Variants in NSD3 observed in about 807,000 individuals in gnomAD.
The protein encoded by NSD3 is histone-lysine N-methyltransferase NSD3.
Under a neutral mutation model 160.8 loss-of-function variants are expected in NSD3, and 24 were observed. The ratio of observed to expected loss-of-function variants is 0.15; its 90% CI spans 0.11 to 0.21. NSD3 has a LOEUF of 0.21. Ranked by LOEUF, NSD3 falls within the 10% of genes least tolerant of loss-of-function variation. The pLI, the probability that NSD3 is intolerant of heterozygous loss-of-function variation, is 1.00. For missense variants in NSD3, 1,157 were observed against 1,735.9 expected (o/e 0.67, Z 5.93); for synonymous variants, 520 against 600.0 (o/e 0.87, Z 1.95).
At chr8:38,305,514 A>G (rs1809373831) in intron 12 of NSD3, 69 bp from the exon 13 acceptor site, 2 of 1,512,850 alleles carry the variant, frequency 1.3e-6, no homozygotes, top group Admixed American at 1.8e-5. Context: ...AAGCAGCTAC[A>G]GACATCAAAC....
In NSD3 at chr8:38,288,610, C is replaced by T; in HGVS notation, c.3378G>A (p.Gln1126=). The change falls in exon 19 of 24, where the codon CAG becomes CAA. Residue 1126 remains glutamine, a synonymous_variant. Coordinates refer to ENST00000317025, the MANE Select transcript of NSD3 (RefSeq NM_023034.2). This position sits in a 1 kb window ranked among gnomAD's most constrained non-coding sequence, Gnocchi z 4.5. ...GACAACGATCTCCAGCTGGGCACAC[C>T]TGCGGGTGGCATTCATACTGCAACA... ...NRMLQYECHP[Q]VCPAGDRCQN... 6.2e-7 allele frequency: 1 copy of T among 1,614,178 alleles called. No individual in the cohort carries two copies. The highest frequency in any genetic ancestry group is 8.5e-7 in the Non-Finnish European group (1 of 1,180,030).
Position 38,329,142 on chromosome 8 carries a change from C to T in NSD3, c.1581+236G>A, listed in dbSNP as rs995309742. Among the ~76,000 whole-genome samples the T allele has an allele frequency of 2.6e-5, 4 of 152,110 alleles. No homozygotes were observed. The highest frequency in any genetic ancestry group is 4.4e-5 in the Non-Finnish European group (3 of 68,028). On this transcript the variant is annotated intron_variant, in intron 6 of 23. Coordinates refer to ENST00000317025, the MANE Select transcript of NSD3 (RefSeq NM_023034.2). The surrounding 1 kb of genome is among the most constrained non-coding windows in gnomAD (Gnocchi z 4.8). ...AGGGAGCTAAGCTCAATTTTGGCTG[C>T]ACAGCTCAAGACTAATCTACTACAG...
chr8:38,278,040 G>A (rs543924932), intron 22 of NSD3, among the ~76,000 whole-genome samples: 17 of 151,558 alleles, frequency 1.1e-4, no homozygotes, highest in African/African-American at 3.9e-4. Context: ...CCGGGTTCAC[G>A]CCATTCTCCT....
chr8:38,330,452 A>G lies in NSD3; in HGVS notation c.1066-559T>C, dbSNP rs538104179. Reference sequence around the variant, plus strand: ...AACAGGCATGGATGAGAAAAAAGGTAGACCTGAATTATAGTTTCCATAGGT... The same window carrying G: ...AACAGGCATGGATGAGAAAAAAGGTGGACCTGAATTATAGTTTCCATAGGT... On this transcript the variant is annotated intron_variant, in intron 5 of 23. Transcript: ENST00000317025. Among the ~76,000 whole-genome samples, 8 of 152,342 alleles carry G rather than the reference A, an allele frequency of 5.3e-5. No individual in the cohort carries two copies. The South Asian group carries it at 1.7e-3, about 32-fold the overall frequency.
chr8:38,361,527 G>A (rs1176760755), intron 1 of NSD3, among the ~76,000 whole-genome samples: 2 of 150,848 alleles, frequency 1.3e-5, no homozygotes, highest in East Asian at 2.0e-4. Context: ...AGGCCGAGGC[G>A]GGCGGATCAC....
At chr8:38,275,978 G>A (rs1170123835) in intron 23 of NSD3, 96 bp from the exon 24 acceptor site, 3 of 1,087,060 alleles carry the variant, frequency 2.8e-6, no homozygotes, top group African/African-American at 1.6e-5. Flanking sequence ...TTCTCTCATT[G>A]GAGATGGAAT....
Position 38,316,811 on chromosome 8 carries a change from T to G in NSD3, c.1856-769A>C, listed in dbSNP as rs1221164350. 9.4e-7 allele frequency: 1 copy of G among 1,059,638 alleles called. No homozygotes were observed. Among genetic ancestry groups the G allele is most frequent in the Non-Finnish European group, 1.1e-6 (1 of 875,636 alleles). 65.6% of individuals were successfully genotyped at this position (1,059,638 alleles called of 1,614,324 possible). ...AAAGGCAGAGAATAGTGTGGAATTG[T>G]TTTTTTTAAAACTGTGTGTAATACA... On this transcript the variant is annotated intron_variant, in intron 9 of 23. Coordinates refer to ENST00000317025, the MANE Select transcript of NSD3 (RefSeq NM_023034.2). This position sits in a 1 kb window ranked among gnomAD's most constrained non-coding sequence, Gnocchi z 4.5.
intron 1 of NSD3, among the ~76,000 whole-genome samples, chr8:38,365,145 C>A (rs1032589400): frequency 6.6e-6 from 1 of 152,110 alleles, no homozygotes; most frequent in Non-Finnish European, 1.5e-5. Context: ...TAATTGAGTT[C>A]GCAGAGAAAC....
At chr8:38,377,385 G>C (rs1318849881) in intron 1 of NSD3, among the ~76,000 whole-genome samples, 1 of 152,156 alleles carries the variant, frequency 6.6e-6, no homozygotes, top group East Asian at 1.9e-4. Flanking sequence ...ATCTCGCTCT[G>C]TCATTCAGGC....
rs1809631665 is a variant in NSD3, at chr8:38,315,327, CATATT to C, written c.2115+84_2115+88del. 3.7e-6 allele frequency: 5 copies of C among 1,362,078 alleles called. No homozygotes were observed. In the East Asian group the frequency reaches 1.0e-4, roughly 28 times the overall value. 84.4% of individuals were successfully genotyped at this position (1,362,078 alleles called of 1,614,324 possible). A position where few individuals can be genotyped will look rare whatever the true frequency, so the allele number is the denominator to read the frequency against. ...AAGTAATATCATAATAATTTGGAAA[CATATT>C]ATCCTCTTCAACAGGAGTTAAGTCT... On this transcript the variant is annotated intron_variant, in intron 11 of 23. Coordinates refer to ENST00000317025, the MANE Select transcript of NSD3 (RefSeq NM_023034.2).
intron 1 of NSD3, among the ~76,000 whole-genome samples, chr8:38,377,301 G>A (rs1811417928): frequency 6.6e-6 from 1 of 152,068 alleles, no homozygotes; most frequent in Admixed American, 6.6e-5. Flanking sequence ...TGATCCTCCT[G>A]CCTCAGCCTC....
Position 38,305,187 on chromosome 8 carries a change from T to A in NSD3, c.2440+61A>T. The A allele has an allele frequency of 2.6e-6, 4 of 1,535,754 alleles. No homozygotes were observed. The South Asian group carries it at 4.6e-5, about 18-fold the overall frequency. On this transcript the variant is annotated intron_variant, in intron 13 of 23. Transcript: ENST00000317025. ...TATGTTGTTTGTAATATATGCTTGA[T>A]AATGTTATTTGCCACTGCCCTTAAA...
intron 12 of NSD3, among the ~76,000 whole-genome samples, chr8:38,306,905 G>A (rs535294779): frequency 9.1e-4 from 139 of 152,096 alleles, no homozygotes; most frequent in Non-Finnish European, 1.7e-3. Flanking sequence ...ACAAGGTCAG[G>A]AGATCAAGAC....
rs1809668032 is a variant in NSD3, at chr8:38,316,519, C to T, written c.1856-477G>A. On this transcript the variant is annotated intron_variant, in intron 9 of 23. Transcript: ENST00000317025. This position sits in a 1 kb window ranked among gnomAD's most constrained non-coding sequence, Gnocchi z 4.5. ...ATTCGTACACGGATAGTGCCATTTT[C>T]CCCCAAATTTTGCAATTCAGTTGAT... 9.5e-7 allele frequency: 1 copy of T among 1,047,292 alleles called. No individual in the cohort carries two copies. Among genetic ancestry groups the T allele is most frequent in the African/African-American group, 1.7e-5 (1 of 60,038 alleles). The allele number at this position is 1,047,292 out of a possible 1,614,324, so 64.9% of individuals were successfully genotyped here.
chr8:38,279,802 A>G (rs1783121628), intron 20 of NSD3, 121 bp from the exon 21 acceptor site: 1 of 1,110,574 alleles, frequency 9.0e-7, no homozygotes, highest in African/African-American at 1.6e-5. Flanking sequence ...CAACTGACAG[A>G]TCAGGAAATG....
intron 12 of NSD3, among the ~76,000 whole-genome samples, chr8:38,307,240 A>G (rs1487078117): frequency 1.3e-5 from 2 of 152,152 alleles, no homozygotes; most frequent in Admixed American, 1.3e-4. Flanking sequence ...ACTGGAGTAC[A>G]GTTGTGTGAT....
chr8:38,316,362 A>G lies in NSD3; in HGVS notation c.1856-320T>C. 1 of 1,097,520 alleles carries G rather than the reference A, an allele frequency of 9.1e-7. No individual in the cohort carries two copies. Among genetic ancestry groups the G allele is most frequent in the Non-Finnish European group, 1.1e-6 (1 of 895,580 alleles). 68.0% of individuals were successfully genotyped at this position (1,097,520 alleles called of 1,614,324 possible). ...GCAGGATAGCTGATGGATTTGGAGC[A>G]ATTCAAAGAACCATTCAATTTGGAG... is the stretch of plus-strand genomic sequence containing the variant. On this transcript the variant is annotated intron_variant, in intron 9 of 23. Transcript: ENST00000317025. This position sits in a 1 kb window ranked among gnomAD's most constrained non-coding sequence, Gnocchi z 4.5.
intron 2 of NSD3, among the ~76,000 whole-genome samples, chr8:38,346,529 T>A (rs1810540196): frequency 6.6e-6 from 1 of 151,676 alleles, no homozygotes; most frequent in Non-Finnish European, 1.5e-5. Context: ...AAGTCTTAGA[T>A]CATTGCCTAG....
At position 38,381,935 on chromosome 8, in the gene NSD3, G is replaced by C. The variant is rs1267815678; in HGVS notation, c.-181C>G. 5 of 152,898 alleles carry C rather than the reference G, an allele frequency of 3.3e-5. No homozygotes were observed. The highest frequency in any genetic ancestry group is 7.3e-5 in the Non-Finnish European group (5 of 68,220). The allele number at this position is 152,898 out of a possible 1,614,324, so 9.5% of individuals were successfully genotyped here. A position where few individuals can be genotyped will look rare whatever the true frequency, so the allele number is the denominator to read the frequency against. On this transcript the variant is annotated 5_prime_UTR_variant, in exon 1 of 24. Coordinates refer to ENST00000317025, the MANE Select transcript of NSD3 (RefSeq NM_023034.2). ...GAGGCGGAACCGAGCTAGGCCGCATGAAATCCCCGGGCTAGATTTTCCCCG... is the reference window on the plus strand; with the variant it reads ...GAGGCGGAACCGAGCTAGGCCGCATCAAATCCCCGGGCTAGATTTTCCCCG...
Sources: gnomAD v4.1 joint callset for allele counts (sites outside exome capture counted in the v4.1 genomes callset) on GRCh38, gnomAD v4.1.1 for gene constraint, Gnocchi (gnomAD v3.1) non-coding constraint, MANE v1.5 for transcripts, NCBI Gene and HGNC (gene_info 2026-07-23, HGNC 2026-07-21) for gene names.